SMOC2: variants seen among roughly 807,000 people sequenced by gnomAD.
SMOC2 encodes the protein SPARC-related modular calcium-binding protein 2.
SMOC2 carries 39 observed loss-of-function variants against 61.4 expected under a neutral mutation model. The ratio of observed to expected loss-of-function variants is 0.64; its 90% CI spans 0.49 to 0.83. The LOEUF (loss-of-function observed/expected upper bound fraction) is 0.83, where lower values mean the gene tolerates loss of function less well. Among genes scored for constraint, SMOC2 ranks in the 40% least tolerant of loss-of-function variants. The probability of loss-of-function intolerance (pLI) is 0.00; values close to 1 mark genes in which losing one functional copy is unlikely to be tolerated. For synonymous variants in SMOC2, 247 were observed against 239.9 expected (o/e 1.03, Z -0.27); for missense variants, 556 against 592.9 (o/e 0.94, Z 0.65).
intron 1 of SMOC2, among the ~76,000 whole-genome samples, chr6:168,450,912 C>G (rs924545227): frequency 1.1e-4 from 16 of 152,184 alleles, no homozygotes; most frequent in African/African-American, 3.6e-4. Flanking sequence ...TTTGGCACCC[C>G]CACATGATAC....
intron 2 of SMOC2, among the ~76,000 whole-genome samples, chr6:168,520,617 T>C (rs1452327531): frequency 6.6e-6 from 1 of 152,210 alleles, no homozygotes; most frequent in Non-Finnish European, 1.5e-5. Flanking sequence ...GCTCCTTCCA[T>C]ATCGATAAAT....
intron 2 of SMOC2, 137 bp downstream of exon 2, chr6:168,510,223 G>T: frequency 1.4e-6 from 1 of 736,792 alleles, no homozygotes. Context: ...CAGCATGTAA[G>T]GAAGAAGAGT....
Position 168,462,212 on chromosome 6 carries a change from G to C in SMOC2, c.84+20758G>C, listed in dbSNP as rs1781733815. On this transcript the variant is annotated intron_variant, in intron 1 of 12. Coordinates refer to ENST00000356284, the MANE Select transcript of SMOC2 (RefSeq NM_001166412.2). ...TCCCTAGAACCCATCAGTTTAGCTT[G>C]CTTTTAGGACACAGGGATTCCAGTT... is the stretch of plus-strand genomic sequence containing the variant. 2.6e-5 allele frequency among the ~76,000 whole-genome samples: 4 copies of C among 152,104 alleles called. No homozygotes were observed. The South Asian group carries it at 6.2e-4, about 24-fold the overall frequency.
chr6:168,509,077 G>A (rs1205472805), intron 1 of SMOC2, among the ~76,000 whole-genome samples: 1 of 152,144 alleles, frequency 6.6e-6, no homozygotes, highest in Non-Finnish European at 1.5e-5. Context: ...GGAAGTGGCA[G>A]GACACTGGTG....
At chr6:168,607,205 C>T (rs1785719925) in intron 8 of SMOC2, among the ~76,000 whole-genome samples, 1 of 151,914 alleles carries the variant, frequency 6.6e-6, no homozygotes, top group African/African-American at 2.4e-5. Context: ...CTCCGGGAGG[C>T]AGGTTCTCAT....
At chr6:168,573,023 C>T (rs1460176484) in intron 7 of SMOC2, among the ~76,000 whole-genome samples, 17 of 96,816 alleles carry the variant, frequency 1.8e-4, no homozygotes, top group African/African-American at 6.9e-4. Flanking sequence ...TGCGTGGTCC[C>T]TGAACGCGAT....
At chr6:168,594,725 C>A (rs868606370) in intron 7 of SMOC2, among the ~76,000 whole-genome samples, 243 of 36,802 alleles carry the variant, frequency 6.6e-3, no homozygotes, top group Admixed American at 0.012. Context: ...TTCCTGAGGC[C>A]TCACGGGCAT....
At chr6:168,477,721 C>T (rs986373886) in intron 1 of SMOC2, among the ~76,000 whole-genome samples, 2 of 151,946 alleles carry the variant, frequency 1.3e-5, no homozygotes, top group Non-Finnish European at 2.9e-5. Context: ...TAGGGGGAGT[C>T]AGAACAGGAG....
chr6:168,595,359 A>T (rs916534707), intron 7 of SMOC2, among the ~76,000 whole-genome samples: 7 of 152,090 alleles, frequency 4.6e-5, no homozygotes, highest in Non-Finnish European at 8.8e-5. Flanking sequence ...GTGACACAGG[A>T]CCTGTCATGT....
At chr6:168,493,999 T>G (rs918456105) in intron 1 of SMOC2, among the ~76,000 whole-genome samples, 1 of 150,030 alleles carries the variant, frequency 6.7e-6, no homozygotes, top group African/African-American at 2.4e-5. Flanking sequence ...CTTAAAATAT[T>G]ATGAGTGTGG....
At chr6:168,638,528 GAATGCTTT>G (rs2115257763) in intron 9 of SMOC2, among the ~76,000 whole-genome samples, 1 of 152,298 alleles carries the variant, frequency 6.6e-6, no homozygotes, top group Non-Finnish European at 1.5e-5. Context: ...GGTCTGGAGG[GAATGCTTT>G]CAGCGAGAGG....
chr6:168,649,682 C>T (rs539244495), intron 9 of SMOC2, among the ~76,000 whole-genome samples: 8 of 152,314 alleles, frequency 5.3e-5, no homozygotes, highest in Admixed American at 2.6e-4. Flanking sequence ...CTCTTAAACC[C>T]GCCGATCTCA....
chr6:168,465,143 T>C (rs1439459304), intron 1 of SMOC2, among the ~76,000 whole-genome samples: 13 of 152,268 alleles, frequency 8.5e-5, no homozygotes, highest in Non-Finnish European at 5.9e-5. Context: ...CCATCACTGG[T>C]TGCCAAGGCT....
chr6:168,641,010 G>A (rs1467985435), intron 9 of SMOC2, among the ~76,000 whole-genome samples: 1 of 152,080 alleles, frequency 6.6e-6, no homozygotes, highest in Non-Finnish European at 1.5e-5. Context: ...GAACGACTTA[G>A]TTCTCCTTAA....
chr6:168,537,021 G>A (rs1473105194), intron 4 of SMOC2, among the ~76,000 whole-genome samples: 1 of 152,242 alleles, frequency 6.6e-6, no homozygotes, highest in Non-Finnish European at 1.5e-5. Flanking sequence ...CAGCTCTCAG[G>A]GTACAGGGGA....
rs374627103 is a variant in SMOC2 at position 168,625,083 on chromosome 6, C to A, written c.907+16844C>A. Among the ~76,000 whole-genome samples the A allele has an allele frequency of 7.2e-5, 11 of 152,306 alleles. No homozygotes were observed. The South Asian group carries it at 2.3e-3, about 32-fold the overall frequency. ...ACCCTGCCCCCTGGACACTGTGAAG[C>A]GCCGCCCCCGCCCTTCCTCCCAGGG... On this transcript the variant is annotated intron_variant, in intron 9 of 12. Transcript: ENST00000356284.
In SMOC2 at chr6:168,536,563, A is replaced by G. The variant is rs116085680; in HGVS notation, c.464-7062A>G. ...AGGTCCTACCACTTCCAGTCATGTT[A>G]TCTTGAGGATTATTTGACCATGGGC... On this transcript the variant is annotated intron_variant, in intron 4 of 12. Coordinates refer to ENST00000356284, the MANE Select transcript of SMOC2 (RefSeq NM_001166412.2). 5.1e-3 allele frequency among the ~76,000 whole-genome samples: 778 copies of G among 152,166 alleles called. 4 individuals are homozygous for G. Among genetic ancestry groups the G allele is most frequent in the South Asian group, 0.027 (132 of 4,812 alleles).
At chr6:168,461,772 GA>G (rs1781723038) in intron 1 of SMOC2, among the ~76,000 whole-genome samples, 1 of 152,170 alleles carries the variant, frequency 6.6e-6, no homozygotes. Flanking sequence ...AGCCGTGCTA[GA>G]AACACCACTC....
At chr6:168,655,331 G>A in intron 11 of SMOC2, 1 of 452,780 alleles carries the variant, frequency 2.2e-6, no homozygotes, top group Non-Finnish European at 4.5e-6. Flanking sequence ...TATTCCAATG[G>A]TTATAGCAGT....
Sources: gnomAD v4.1 joint callset for allele counts (sites outside exome capture counted in the v4.1 genomes callset) on GRCh38, gnomAD v4.1.1 for gene constraint, MANE v1.5 for transcripts, NCBI Gene and HGNC (gene_info 2026-07-23, HGNC 2026-07-21) for gene names.